The following FANCI variants were observed in gnomAD, a reference collection of about 807,000 sequenced individuals.
The protein encoded by FANCI is Fanconi anemia group I protein.
In FANCI, 156 loss-of-function variants were observed where a neutral mutation model predicts 176.1. The ratio of observed to expected loss-of-function variants is 0.89; its 90% CI spans 0.78 to 1.01. FANCI has a LOEUF of 1.01. FANCI is among the 50% of genes least tolerant of loss of function. The pLI is 0.00. For synonymous variants in FANCI, 613 were observed against 541.7 expected (o/e 1.13, Z -1.83); for missense variants, 1,678 against 1,534.1 (o/e 1.09, Z -1.57).
At chr15:89,273,330 A>T (rs745489708) in intron 10 of FANCI, 47 bp from the exon 11 acceptor site, 2 of 994,654 alleles carry the variant, frequency 2.0e-6, no homozygotes, top group African/African-American at 3.3e-5. Context: ...AAAAAAAGAA[A>T]AAAGAAAATG....
chr15:89,250,338 T>C (rs1171177672), intron 2 of FANCI, among the ~76,000 whole-genome samples: 1 of 152,054 alleles, frequency 6.6e-6, no homozygotes, highest in South Asian at 2.1e-4. Flanking sequence ...ATGTGGCACA[T>C]CTACACCATG....
intron 2 of FANCI, among the ~76,000 whole-genome samples, chr15:89,257,204 C>T (rs1285389552): frequency 6.6e-6 from 1 of 152,192 alleles, no homozygotes; most frequent in Non-Finnish European, 1.5e-5. Context: ...CCACGCTTGG[C>T]CAGATTTCTT....
Position 89,295,101 on chromosome 15 carries a change from C to G in FANCI, c.2636+7C>G. On this transcript the variant is annotated splice_region_variant and intron_variant, in intron 24 of 37. Transcript: ENST00000310775. ...ACCTCTGTGACATAACTCGGTAAGCCACTCCCACCCCTTAGAAACTTATTC... is the reference window on the plus strand; with the variant it reads ...ACCTCTGTGACATAACTCGGTAAGCGACTCCCACCCCTTAGAAACTTATTC... The G allele has an allele frequency of 6.5e-7, 1 of 1,550,352 alleles. No homozygotes were observed. Among genetic ancestry groups the G allele is most frequent in the South Asian group, 1.2e-5 (1 of 83,836 alleles).
At chr15:89,296,060 C>A (rs1027327490) in intron 24 of FANCI, among the ~76,000 whole-genome samples, 1 of 152,218 alleles carries the variant, frequency 6.6e-6, no homozygotes, top group Non-Finnish European at 1.5e-5. Flanking sequence ...CTCGGCCTCC[C>A]CGGTTCAAGT....
At chr15:89,289,341 A>G (rs1464517077) in intron 18 of FANCI, among the ~76,000 whole-genome samples, 2 of 151,828 alleles carry the variant, frequency 1.3e-5, no homozygotes, top group African/African-American at 2.4e-5. Flanking sequence ...TCTGTTGCCC[A>G]GACTGGAATG....
At chr15:89,264,219 C>G (rs1279361780) in intron 8 of FANCI, among the ~76,000 whole-genome samples, 193 bp downstream of exon 8, 3 of 152,212 alleles carry the variant, frequency 2.0e-5, no homozygotes, top group Admixed American at 1.3e-4. Context: ...GTAAAAGGAT[C>G]ATACTTCTCA....
At chr15:89,250,627 T>C (rs1567136219) in intron 2 of FANCI, among the ~76,000 whole-genome samples, 1 of 151,626 alleles carries the variant, frequency 6.6e-6, no homozygotes. Context: ...CACACCAACA[T>C]GGCACATGTA....
At chr15:89,279,636 T>A (rs1320658664) in intron 14 of FANCI, among the ~76,000 whole-genome samples, 1 of 152,204 alleles carries the variant, frequency 6.6e-6, no homozygotes, top group East Asian at 1.9e-4. Flanking sequence ...CAGTTTTCCT[T>A]TTACCTCAAA....
chr15:89,282,081 T>C (rs140979024), intron 16 of FANCI: 2 of 476,512 alleles, frequency 4.2e-6, no homozygotes, highest in African/African-American at 3.9e-5. Flanking sequence ...AAAGTTAGGC[T>C]TAGAGAAGAT....
intron 18 of FANCI, among the ~76,000 whole-genome samples, chr15:89,285,429 A>G (rs1458970903): frequency 6.6e-6 from 1 of 152,170 alleles, no homozygotes; most frequent in Non-Finnish European, 1.5e-5. Context: ...CCAAGGCAGG[A>G]GGATCAAGCA....
intron 9 of FANCI, among the ~76,000 whole-genome samples, chr15:89,265,998 C>CTTTT (rs34447883): frequency 7.6e-6 from 1 of 132,032 alleles, no homozygotes; most frequent in African/African-American, 2.8e-5. Flanking sequence ...TTTCTTATTT[C>CTTTT]TTTTTTTTTT....
Position 89,260,853 on chromosome 15 carries a change from CA to C in FANCI, c.288+13del, listed in dbSNP as rs748948721. On this transcript the variant is annotated intron_variant, in intron 4 of 37. Coordinates refer to ENST00000310775, the MANE Select transcript of FANCI (RefSeq NM_001113378.2). ...ATTACTGATGCTGGAGGTAAGATGG[CA>C]AACAAAAACTTTTATTTGGGGGTAG... The C allele has an allele frequency of 5.0e-6, 8 of 1,612,822 alleles. No individual in the cohort carries two copies. In the East Asian group the frequency reaches 1.8e-4, roughly 36 times the overall value.
chr15:89,316,953 A>G lies in FANCI; in HGVS notation c.*494A>G. ...GAAAGGTTGAGAACAATTGCCACGA[A>G]CGGTAATGTTACATGTTAGGAGGGT... On this transcript the variant is annotated 3_prime_UTR_variant, in exon 38 of 38. Transcript: ENST00000310775. 1 of 751,544 alleles carries G rather than the reference A, an allele frequency of 1.3e-6. No homozygotes were observed. Among genetic ancestry groups the G allele is most frequent in the Non-Finnish European group, 2.4e-6 (1 of 411,826 alleles). The allele number at this position is 751,544 out of a possible 1,614,324, so 46.6% of individuals were successfully genotyped here.
At chr15:89,261,965 T>C in intron 6 of FANCI, 87 bp downstream of exon 6, 1 of 1,097,780 alleles carries the variant, frequency 9.1e-7, no homozygotes, top group Non-Finnish European at 1.4e-6. Flanking sequence ...TGTCTGGAGG[T>C]TTTAAGTCCT....
chr15:89,281,613 C>T lies in FANCI; in HGVS notation c.1513-152C>T, dbSNP rs16942947. 10,266 of 795,710 alleles carry T rather than the reference C, an allele frequency of 0.013. 654 individuals carry two copies. The African/African-American group carries it at 0.15, about 12-fold the overall frequency. The allele number at this position is 795,710 out of a possible 1,614,324, so 49.3% of individuals were successfully genotyped here. On this transcript the variant is annotated intron_variant, in intron 15 of 37. Coordinates refer to ENST00000310775, the MANE Select transcript of FANCI (RefSeq NM_001113378.2). ...TTTCATTTTAGTGTTTCAGAGTATA[C>T]TATTGTCCTTGTTAACTGTAATAAA...
At position 89,304,378 on chromosome 15, in the gene FANCI, T is replaced by C. The variant is rs1002659731; in HGVS notation, c.3058+463T>C. On this transcript the variant is annotated intron_variant, in intron 28 of 37. Transcript: ENST00000310775. ...CACAACTTGGAGAGGATCTCACAAA[T>C]GTACTGTAAAACAAAAGAAGCCAGA... Among the ~76,000 whole-genome samples the C allele has an allele frequency of 2.6e-5, 4 of 152,310 alleles. No homozygotes were observed. The East Asian group carries it at 7.7e-4, about 29-fold the overall frequency.
In FANCI at chr15:89,299,805, T is replaced by C. The variant is rs1176014538; in HGVS notation, c.2642T>C (p.Leu881Ser). 1.2e-6 allele frequency: 2 copies of C among 1,613,566 alleles called. No individual in the cohort carries two copies. ...FQNLCDITRV[L>S]LWRYTSIPTS... ...ACCACTTTCTCCTGCTTCAGAGTCT[T>C]GCTATGGAGATACACTTCAATTCCT... is the stretch of plus-strand genomic sequence containing the variant. Residue 881 changes from leucine to serine, a missense_variant, in exon 25 of 38, where the codon TTG becomes TCG. This residue lies in a region of FANCI where 1,204 missense variants were observed against 1,077.4 expected (regional missense o/e 1.12). Transcript: ENST00000310775.
At chr15:89,298,222 T>G (rs1467269947) in intron 24 of FANCI, among the ~76,000 whole-genome samples, 1 of 152,114 alleles carries the variant, frequency 6.6e-6, no homozygotes. Flanking sequence ...TCTTTTTAGG[T>G]GCACATGGTG....
At chr15:89,272,729 G>A (rs1191628531) in intron 10 of FANCI, among the ~76,000 whole-genome samples, 1 of 151,892 alleles carries the variant, frequency 6.6e-6, no homozygotes, top group Non-Finnish European at 1.5e-5. Flanking sequence ...GGATGCAGTG[G>A]CGCAATCTGA....
Sources: allele counts gnomAD v4.1 joint callset (sites outside exome capture counted in the v4.1 genomes callset), GRCh38; gene constraint gnomAD v4.1.1; regional missense constraint gnomAD v4.1.1; transcripts MANE v1.5; gene names NCBI Gene and HGNC (gene_info 2026-07-23, HGNC 2026-07-21).